The following PDE4B variants were observed in gnomAD, a reference collection of about 807,000 sequenced individuals.
PDE4B encodes phosphodiesterase 4B.
In PDE4B, 20 loss-of-function variants were observed where a neutral mutation model predicts 82.2. The ratio of observed to expected loss-of-function variants is 0.24; its 90% confidence interval spans 0.17 to 0.35. The LOEUF (loss-of-function observed/expected upper bound fraction) is 0.35. PDE4B is among the 10% of genes least tolerant of loss of function. The pLI, the probability that PDE4B is intolerant of heterozygous loss-of-function variation, is 1.00. For missense variants in PDE4B, 655 were observed against 907.2 expected, an observed-to-expected ratio of 0.72 and a Z score of 3.57; for synonymous variants, 320 against 318.9, an observed-to-expected ratio of 1.00 and a Z score of -0.04.
intron 1 of PDE4B, among the ~76,000 whole-genome samples, chr1:65,838,901 G>A (rs1646175122): frequency 6.6e-6 from 1 of 152,012 alleles, no homozygotes; most frequent in South Asian, 2.1e-4. Context: ...AATGACAATT[G>A]CAAGCACAGT....
intron 3 of PDE4B, among the ~76,000 whole-genome samples, chr1:66,110,548 T>C (rs1645463892): frequency 6.6e-6 from 1 of 152,012 alleles, no homozygotes; most frequent in Non-Finnish European, 1.5e-5. Flanking sequence ...ATGGTGGATA[T>C]TACTAAAGGA....
intron 6 of PDE4B, among the ~76,000 whole-genome samples, chr1:66,265,170 C>G (rs918245393): frequency 6.6e-6 from 1 of 152,202 alleles, no homozygotes; most frequent in African/African-American, 2.4e-5. Flanking sequence ...ACTGAATCAG[C>G]AACTCTGGGG....
At chr1:65,807,555 G>A (rs940904932) in intron 1 of PDE4B, among the ~76,000 whole-genome samples, 2 of 152,188 alleles carry the variant, frequency 1.3e-5, no homozygotes, top group Non-Finnish European at 2.9e-5. Context: ...CTTCCAGAAA[G>A]TGTATACCAA....
At chr1:66,256,116 C>T (rs765343379) in intron 4 of PDE4B, among the ~76,000 whole-genome samples, 40 of 152,168 alleles carry the variant, frequency 2.6e-4, no homozygotes, top group Non-Finnish European at 4.4e-5. Flanking sequence ...GCAGAAGTTG[C>T]GGTGAGCTGA....
intron 3 of PDE4B, among the ~76,000 whole-genome samples, chr1:66,211,481 C>A (rs1650045592): frequency 6.6e-6 from 1 of 152,136 alleles, no homozygotes; most frequent in South Asian, 2.1e-4. Flanking sequence ...TACTTTCCTG[C>A]CTATAGATTA....
intron 3 of PDE4B, among the ~76,000 whole-genome samples, chr1:66,158,513 A>G (rs1557600262): frequency 6.6e-6 from 1 of 152,218 alleles, no homozygotes; most frequent in Non-Finnish European, 1.5e-5. Context: ...AAATTAGTAC[A>G]GCCATTCTGG....
chr1:65,995,259 C>G (rs2100689387), intron 3 of PDE4B, among the ~76,000 whole-genome samples: 1 of 152,170 alleles, frequency 6.6e-6, no homozygotes, highest in South Asian at 2.1e-4. Context: ...CAGCTCATGA[C>G]TAAGTCTTTA....
intron 1 of PDE4B, among the ~76,000 whole-genome samples, chr1:65,827,028 A>G (rs757269792): frequency 7.2e-5 from 11 of 152,236 alleles, no homozygotes; most frequent in Non-Finnish European, 5.9e-5. Flanking sequence ...TACATTAAGC[A>G]CAGGGTATCA....
chr1:66,162,307 T>TTA (rs1646632766), intron 3 of PDE4B, among the ~76,000 whole-genome samples: 1 of 125,792 alleles, frequency 7.9e-6, no homozygotes, highest in Non-Finnish European at 1.7e-5. Flanking sequence ...GGACTTCTCT[T>TTA]TTTTTTTTTT....
intron 3 of PDE4B, among the ~76,000 whole-genome samples, chr1:66,226,326 C>A (rs768087805): frequency 6.6e-6 from 1 of 152,026 alleles, no homozygotes; most frequent in Non-Finnish European, 1.5e-5. Flanking sequence ...TCTCATGAAG[C>A]CTGCATTTAA....
chr1:66,310,374 G>A (rs12072326), intron 7 of PDE4B, among the ~76,000 whole-genome samples: 1 of 152,144 alleles, frequency 6.6e-6, no homozygotes, highest in Non-Finnish European at 1.5e-5. Context: ...GCTGCCCTCA[G>A]GAGGTGGCTT....
chr1:65,881,531 CT>C (rs549092414), intron 1 of PDE4B, among the ~76,000 whole-genome samples: 254 of 152,256 alleles, frequency 1.7e-3, no homozygotes, highest in African/African-American at 5.2e-3. Context: ...TCATAATCTA[CT>C]TCCCAGAAAG....
At chr1:66,233,976 T>C (rs954375588) in intron 3 of PDE4B, among the ~76,000 whole-genome samples, 1 of 152,156 alleles carries the variant, frequency 6.6e-6, no homozygotes, top group African/African-American at 2.4e-5. Flanking sequence ...TTCTTTTGGG[T>C]GATTGTCTTT....
intron 1 of PDE4B, among the ~76,000 whole-genome samples, chr1:65,842,359 C>T (rs753646540): frequency 5.9e-5 from 9 of 151,980 alleles, no homozygotes; most frequent in Non-Finnish European, 1.0e-4. Flanking sequence ...AGAACAGAAG[C>T]GGCACTCTAA....
intron 3 of PDE4B, among the ~76,000 whole-genome samples, chr1:65,991,601 C>A (rs975065118): frequency 3.3e-5 from 5 of 152,192 alleles, no homozygotes; most frequent in African/African-American, 1.2e-4. Context: ...CCAGAAACTT[C>A]AAGCACCACT....
At chr1:66,244,608 A>T (rs1430348917) in intron 3 of PDE4B, among the ~76,000 whole-genome samples, 1 of 152,066 alleles carries the variant, frequency 6.6e-6, no homozygotes, top group Non-Finnish European at 1.5e-5. Context: ...TTTTGCTGTG[A>T]CTGGGGCTGG....
At chr1:66,274,320 C>G (rs1300507827) in intron 7 of PDE4B, among the ~76,000 whole-genome samples, 1 of 139,954 alleles carries the variant, frequency 7.1e-6, no homozygotes, top group Non-Finnish European at 1.6e-5. Flanking sequence ...GTCACAACAC[C>G]CAGCTAATTT....
chr1:66,265,954 C>T, intron 6 of PDE4B, 84 bp from the exon 7 acceptor site: 2 of 982,674 alleles, frequency 2.0e-6, no homozygotes, highest in East Asian at 2.4e-5. Context: ...GAAAAGTCCT[C>T]AGTAACCATG....
chr1:66,235,836 G>T (rs981505330), intron 3 of PDE4B, among the ~76,000 whole-genome samples: 2 of 151,926 alleles, frequency 1.3e-5, no homozygotes, highest in Non-Finnish European at 2.9e-5. Context: ...TTTCAGAATC[G>T]GGCAGCCCTC....
Sources: gnomAD v4.1 joint callset for allele counts (sites outside exome capture counted in the v4.1 genomes callset) on GRCh38, gnomAD v4.1.1 for gene constraint, MANE v1.5 for transcripts, NCBI Gene and HGNC (gene_info 2026-07-23, HGNC 2026-07-21) for gene names.